Variants in ERBIN observed in about 807,000 individuals in gnomAD.
ERBIN encodes the protein erbb2 interacting protein, also known as densin-180-like protein.
In ERBIN, 60 loss-of-function variants were observed where a neutral mutation model predicts 158.4. The observed-to-expected ratio is 0.38, with a 90% CI of 0.31 to 0.47. The LOEUF (loss-of-function observed/expected upper bound fraction) is 0.47. ERBIN is among the 20% of genes least tolerant of loss of function. ERBIN has a pLI of 0.99. For missense variants in ERBIN, 1,610 were observed against 1,648.0 expected, an observed-to-expected ratio of 0.98 and a Z score of 0.40; for synonymous variants, 594 against 557.2, an observed-to-expected ratio of 1.07 and a Z score of -0.93.
intron 1 of ERBIN, among the ~76,000 whole-genome samples, chr5:65,941,728 A>C (rs962630421): frequency 6.6e-6 from 1 of 151,956 alleles, no homozygotes; most frequent in African/African-American, 2.4e-5. Flanking sequence ...ATAGACCTTA[A>C]CCTTACCCTT....
chr5:65,948,892 T>C (rs2150915016), intron 1 of ERBIN, among the ~76,000 whole-genome samples: 1 of 150,626 alleles, frequency 6.6e-6, no homozygotes, highest in East Asian at 2.0e-4. Flanking sequence ...GCCTCTCAGG[T>C]AGCTGTGATT....
chr5:65,943,948 A>G (rs1745406074), intron 1 of ERBIN, among the ~76,000 whole-genome samples: 2 of 152,214 alleles, frequency 1.3e-5, no homozygotes, highest in Non-Finnish European at 1.5e-5. Flanking sequence ...ATTGTCCTCA[A>G]GGTTCATCTG....
rs1019954750 is a variant in ERBIN at position 65,926,704 on chromosome 5, C to T, written c.-160C>T. ...AGGCCAGTCCACATCCGCTCTCACCCGAGAGAGATATTCAGCTGGATCCAA... is the reference window on the plus strand; with the variant it reads ...AGGCCAGTCCACATCCGCTCTCACCTGAGAGAGATATTCAGCTGGATCCAA... On this transcript the variant is annotated 5_prime_UTR_variant, in exon 1 of 26. Transcript: ENST00000284037. The T allele has an allele frequency of 6.6e-6, 1 of 151,914 alleles. No individual in the cohort carries two copies. 9.4% of individuals were successfully genotyped at this position (151,914 alleles called of 1,614,324 possible). A position where few individuals can be genotyped will look rare whatever the true frequency, so the allele number is the denominator to read the frequency against.
At chr5:65,971,956 A>G (rs565058033) in intron 1 of ERBIN, among the ~76,000 whole-genome samples, 8 of 152,278 alleles carry the variant, frequency 5.3e-5, no homozygotes, top group South Asian at 2.1e-4. Context: ...CAGGGCTTCT[A>G]TGTTGTGCAG....
At chr5:65,969,997 C>T (rs1045792699) in intron 1 of ERBIN, among the ~76,000 whole-genome samples, 2 of 152,038 alleles carry the variant, frequency 1.3e-5, no homozygotes, top group South Asian at 2.1e-4. Context: ...TTTTTAAAGA[C>T]CTGGTTTTCG....
intron 1 of ERBIN, among the ~76,000 whole-genome samples, chr5:65,940,212 T>G: frequency 7.4e-6 from 1 of 135,874 alleles, no homozygotes; most frequent in East Asian, 2.3e-4. Flanking sequence ...CCGTCTGGGA[T>G]GTGAGGAGCG....
intron 1 of ERBIN, among the ~76,000 whole-genome samples, chr5:65,972,888 A>G (rs1749422411): frequency 6.6e-6 from 1 of 151,068 alleles, no homozygotes; most frequent in Non-Finnish European, 1.5e-5. Flanking sequence ...GCCTAAATTA[A>G]CCCCAAGGAA....
At chr5:66,055,460 A>G (rs922813484) in intron 21 of ERBIN, among the ~76,000 whole-genome samples, 5 of 152,148 alleles carry the variant, frequency 3.3e-5, no homozygotes, top group African/African-American at 1.2e-4. Flanking sequence ...CTGAATTTCT[A>G]CATTTCTGAC....
At chr5:65,931,691 C>T (rs1460219771) in intron 1 of ERBIN, among the ~76,000 whole-genome samples, 1 of 151,996 alleles carries the variant, frequency 6.6e-6, no homozygotes, top group African/African-American at 2.4e-5. Flanking sequence ...GAAAACAGCT[C>T]GATTCTCATA....
chr5:65,932,532 G>A (rs562761734), intron 1 of ERBIN, among the ~76,000 whole-genome samples: 107 of 152,118 alleles, frequency 7.0e-4, no homozygotes, highest in Admixed American at 1.6e-3. Context: ...TGACCTGGAA[G>A]GTTCCTTGAA....
intron 22 of ERBIN, among the ~76,000 whole-genome samples, chr5:66,073,271 G>GTA (rs1265299480): frequency 6.6e-6 from 1 of 152,178 alleles, no homozygotes; most frequent in East Asian, 1.9e-4. Flanking sequence ...GGAATAAATG[G>GTA]TATAAACGTA....
intron 14 of ERBIN, among the ~76,000 whole-genome samples, chr5:66,029,571 T>A: frequency 6.6e-6 from 1 of 151,764 alleles, no homozygotes; most frequent in East Asian, 1.9e-4. Context: ...TGTTCTGTTC[T>A]GTCCTGTCCT....
chr5:65,964,013 A>G (rs1748242578), intron 1 of ERBIN, among the ~76,000 whole-genome samples: 1 of 151,926 alleles, frequency 6.6e-6, no homozygotes, highest in South Asian at 2.1e-4. Flanking sequence ...GTTAGCCAGG[A>G]TGGTCTTGGT....
intron 18 of ERBIN, among the ~76,000 whole-genome samples, chr5:66,047,866 C>A (rs577216480): frequency 1.3e-5 from 2 of 152,008 alleles, no homozygotes; most frequent in Admixed American, 1.3e-4. Context: ...GTGTAAGGCA[C>A]TGTGTTTAGA....
intron 4 of ERBIN, among the ~76,000 whole-genome samples, chr5:65,997,031 AG>A (rs1752512838): frequency 6.6e-6 from 1 of 152,122 alleles, no homozygotes; most frequent in Admixed American, 6.6e-5. Context: ...TGGAGTCTTT[AG>A]GGTTTTCTAT....
chr5:65,990,054 AAGT>A (rs1751695017), intron 2 of ERBIN, among the ~76,000 whole-genome samples: 1 of 152,238 alleles, frequency 6.6e-6, no homozygotes, highest in African/African-American at 2.4e-5. Context: ...GATTGTTACT[AAGT>A]AGTAAACTTT....
At chr5:65,977,333 G>A (rs1261017995) in intron 1 of ERBIN, among the ~76,000 whole-genome samples, 7 of 151,280 alleles carry the variant, frequency 4.6e-5, no homozygotes, top group South Asian at 2.1e-4. Flanking sequence ...GGTGGCTGCC[G>A]GGCGGAGATG....
At chr5:65,980,734 C>G (rs1191465063) in intron 1 of ERBIN, among the ~76,000 whole-genome samples, 1 of 151,668 alleles carries the variant, frequency 6.6e-6, no homozygotes, top group Non-Finnish European at 1.5e-5. Flanking sequence ...AAAAAAAAAC[C>G]TCGTAATGTG....
In ERBIN at chr5:66,046,495, C is replaced by G; in HGVS notation, c.1745C>G (p.Ser582Cys). Residue 582 changes from serine to cysteine, a missense_variant, in exon 18 of 26, where the codon TCT becomes TGT. Around this residue, in one of 2 missense-constraint regions of ERBIN, gnomAD observed 596 missense variants for 711.9 expected, o/e 0.84. Transcript: ENST00000284037. ...CCAGTGACTGCAAATATGAAAGCCT[C>G]TGAGAACTTGAAGCATATTGTTAAC... The part of the protein sequence containing the change: ...SLPVTANMKA[S>C]ENLKHIVNHD... 6.2e-7 allele frequency: 1 copy of G among 1,607,258 alleles called. No homozygotes were observed. Among genetic ancestry groups the G allele is most frequent in the South Asian group, 1.1e-5 (1 of 89,734 alleles).
Sources: gnomAD v4.1 joint callset for allele counts (sites outside exome capture counted in the v4.1 genomes callset) on GRCh38, gnomAD v4.1.1 for gene constraint, gnomAD v4.1.1 regional missense constraint, MANE v1.5 for transcripts, NCBI Gene and HGNC (gene_info 2026-07-23, HGNC 2026-07-21) for gene names.